The following RASGEF1C variants were observed in gnomAD, a reference collection of about 807,000 sequenced individuals.
RASGEF1C encodes the protein RasGEF domain family member 1C, also known as ras-GEF domain-containing family member 1C.
A neutral mutation model predicts 58.1 loss-of-function variants in RASGEF1C; 27 were observed. That is an observed-to-expected ratio of 0.46 (90% CI 0.34 to 0.64). RASGEF1C has a LOEUF of 0.64. RASGEF1C is among the 30% of genes least tolerant of loss of function. The pLI is 0.01. For synonymous variants in RASGEF1C, 243 were observed against 246.3 expected (o/e 0.99, Z 0.13); for missense variants, 502 against 605.1 (o/e 0.83, Z 1.79).
chr5:180,112,123 T>C (rs1013489867), intron 11 of RASGEF1C, among the ~76,000 whole-genome samples: 1 of 152,138 alleles, frequency 6.6e-6, no homozygotes, highest in African/African-American at 2.4e-5. Flanking sequence ...GCCTCAGCTC[T>C]GAGGATCAAT....
intron 1 of RASGEF1C, among the ~76,000 whole-genome samples, chr5:180,200,052 G>A (rs891627651): frequency 3.3e-5 from 5 of 152,004 alleles, no homozygotes; most frequent in African/African-American, 9.7e-5. Context: ...ACAAGGTAAG[G>A]AGTTCAAGAC....
At chr5:180,103,223 A>C (rs572018369) in intron 12 of RASGEF1C, among the ~76,000 whole-genome samples, 1 of 152,062 alleles carries the variant, frequency 6.6e-6, no homozygotes, top group Non-Finnish European at 1.5e-5. Flanking sequence ...GACTACAGGT[A>C]CCCACCACCA....
At chr5:180,166,962 AT>A (rs1767032763) in intron 1 of RASGEF1C, among the ~76,000 whole-genome samples, 1 of 151,836 alleles carries the variant, frequency 6.6e-6, no homozygotes, top group Admixed American at 6.6e-5. Context: ...GTAAAATATC[AT>A]TTTTCTCTGG....
At chr5:180,195,388 C>T (rs1394773115) in intron 1 of RASGEF1C, among the ~76,000 whole-genome samples, 1 of 152,182 alleles carries the variant, frequency 6.6e-6, no homozygotes, top group Non-Finnish European at 1.5e-5. Flanking sequence ...CACGGGAACT[C>T]CTTACAACAT....
Position 180,204,616 on chromosome 5 carries a change from CTCTATCTATCTATCTA to C in RASGEF1C, c.-7+4396_-7+4411del, listed in dbSNP as rs56101660. ...ATAAAATAGGAGTCAATGGATATTC[CTCTATCTATCTATCTA>C]TCTATCTATCTATCTATCTATCTAT... On this transcript the variant is annotated intron_variant, in intron 1 of 13. Coordinates refer to ENST00000361132, the MANE Select transcript of RASGEF1C (RefSeq NM_175062.4). Among the ~76,000 whole-genome samples, 353 of 149,222 alleles carry C rather than the reference CTCTATCTATCTATCTA, an allele frequency of 2.4e-3. 4 individuals carry two copies. Among genetic ancestry groups the C allele is most frequent in the African/African-American group, 8.0e-3 (324 of 40,384 alleles).
chr5:180,129,150 C>A (rs1766319430), intron 4 of RASGEF1C, among the ~76,000 whole-genome samples: 1 of 152,136 alleles, frequency 6.6e-6, no homozygotes, highest in Non-Finnish European at 1.5e-5. Context: ...CTGTGCCCCC[C>A]AGGGCTGGCA....
rs1187828546 is a variant in RASGEF1C, at chr5:180,198,930, G to A, written c.-7+10098C>T. ...CCAGGCCTTGAGGCTGGAGGAGTGAGGAAGTAGGAGAAAGCCCCCAGGAAG... is the reference window on the plus strand; with the variant it reads ...CCAGGCCTTGAGGCTGGAGGAGTGAAGAAGTAGGAGAAAGCCCCCAGGAAG... On this transcript the variant is annotated intron_variant, in intron 1 of 13. Transcript: ENST00000361132. This position sits in a 1 kb window ranked among gnomAD's most constrained non-coding sequence, Gnocchi z 4.5. Among the ~76,000 whole-genome samples, 2 of 152,038 alleles carry A rather than the reference G, an allele frequency of 1.3e-5. No individual in the cohort carries two copies. The highest frequency in any genetic ancestry group is 4.8e-5 in the African/African-American group (2 of 41,380).
chr5:180,182,406 C>CT (rs1287365193), intron 1 of RASGEF1C, among the ~76,000 whole-genome samples: 1 of 151,924 alleles, frequency 6.6e-6, no homozygotes, highest in African/African-American at 2.4e-5. Context: ...AGTGAGCAGC[C>CT]GCAAGATTTA....
At position 180,137,410 on chromosome 5, in the gene RASGEF1C, G is replaced by C. The variant is rs954593817; in HGVS notation, c.300+180C>G. On this transcript the variant is annotated intron_variant, in intron 3 of 13. Coordinates refer to ENST00000361132, the MANE Select transcript of RASGEF1C (RefSeq NM_175062.4). The surrounding 1 kb of genome is among the most constrained non-coding windows in gnomAD (Gnocchi z 4.1). ...GTCGGGCACTGGAAAACTACATGGA[G>C]GTTAAAGGTCCTGTTCTGCTCCTTC... 1.3e-5 allele frequency among the ~76,000 whole-genome samples: 2 copies of C among 152,186 alleles called. No homozygotes were observed. The highest frequency in any genetic ancestry group is 1.3e-4 in the Admixed American group (2 of 15,292).
intron 1 of RASGEF1C, among the ~76,000 whole-genome samples, chr5:180,199,315 G>A (rs1756337569): frequency 1.3e-5 from 2 of 152,176 alleles, no homozygotes; most frequent in African/African-American, 2.4e-5. Context: ...TGGAAGTCCC[G>A]CTGTAGATTA....
chr5:180,188,128 C>A (rs770930665), intron 1 of RASGEF1C, among the ~76,000 whole-genome samples: 5 of 152,148 alleles, frequency 3.3e-5, no homozygotes, highest in Non-Finnish European at 7.3e-5. Flanking sequence ...TACAGACATA[C>A]AATGGAATAT....
Position 180,198,509 on chromosome 5 carries a change from C to T in RASGEF1C, c.-7+10519G>A, listed in dbSNP as rs142680770. On this transcript the variant is annotated intron_variant, in intron 1 of 13. Coordinates refer to ENST00000361132, the MANE Select transcript of RASGEF1C (RefSeq NM_175062.4). The surrounding 1 kb of genome is among the most constrained non-coding windows in gnomAD (Gnocchi z 4.5). Reference sequence around the variant, plus strand: ...AATGTATGCCTCACAGTTCTAGAGGCAGAGAAGTCCAAGATCAAGTTGCTC... The same window carrying T: ...AATGTATGCCTCACAGTTCTAGAGGTAGAGAAGTCCAAGATCAAGTTGCTC... Among the ~76,000 whole-genome samples, 1 of 152,304 alleles carries T rather than the reference C, an allele frequency of 6.6e-6. No homozygotes were observed. The highest frequency in any genetic ancestry group is 1.5e-5 in the Non-Finnish European group (1 of 68,028).
chr5:180,206,818 G>A (rs1756497530), intron 1 of RASGEF1C, among the ~76,000 whole-genome samples: 1 of 152,196 alleles, frequency 6.6e-6, no homozygotes, highest in African/African-American at 2.4e-5. Context: ...ACTTCTAACT[G>A]AAGAAAAACC....
intron 1 of RASGEF1C, among the ~76,000 whole-genome samples, chr5:180,145,858 A>G (rs1421038241): frequency 6.6e-6 from 1 of 152,164 alleles, no homozygotes; most frequent in Non-Finnish European, 1.5e-5. Flanking sequence ...GCTAGCCCCA[A>G]GAGTCCTCTT....
intron 4 of RASGEF1C, among the ~76,000 whole-genome samples, chr5:180,133,766 T>C (rs1423342574): frequency 2.6e-5 from 4 of 152,222 alleles, no homozygotes; most frequent in Non-Finnish European, 5.9e-5. Context: ...GAGTGCATGG[T>C]AACCATTCTT....
Position 180,173,697 on chromosome 5 carries a change from A to G in RASGEF1C, c.-7+35331T>C, listed in dbSNP as rs377215432. 2.4e-3 allele frequency among the ~76,000 whole-genome samples: 358 copies of G among 152,182 alleles called. 1 individual carries two copies. In the East Asian group the frequency reaches 0.029, roughly 12 times the overall value. The stretch of plus-strand genomic sequence containing the variant: ...TGGGAGGCCAAGGTGGGCAGATCAC[A>G]AGGTCAGGAGTTTGAGACCAGCCTG... On this transcript the variant is annotated intron_variant, in intron 1 of 13. Transcript: ENST00000361132.
chr5:180,101,504 T>A lies in RASGEF1C; in HGVS notation c.1398A>T (p.Thr466=). 1 of 1,611,992 alleles carries A rather than the reference T, an allele frequency of 6.2e-7. No homozygotes were observed. The highest frequency in any genetic ancestry group is 8.5e-7 in the Non-Finnish European group (1 of 1,179,942). The change falls in exon 14 of 14, where the codon ACA becomes ACT. Residue 466 remains threonine, a synonymous_variant. Coordinates refer to ENST00000361132, the MANE Select transcript of RASGEF1C (RefSeq NM_175062.4). ...CTCGTCCCTCAGCTCAGCGCTTTCA[T>A]GTCTTCCCCAAAATAGAAGATCTGC... is the stretch of plus-strand genomic sequence containing the variant. ...KALRSSILGK[T]
intron 1 of RASGEF1C, among the ~76,000 whole-genome samples, chr5:180,172,249 C>CCCA (rs1456225334): frequency 6.6e-6 from 1 of 152,120 alleles, no homozygotes; most frequent in East Asian, 1.9e-4. Context: ...CACTCAGGGC[C>CCCA]CCAGCATGCC....
chr5:180,114,680 C>T lies in RASGEF1C; in HGVS notation c.1084-139G>A, dbSNP rs866637646. 49 of 684,492 alleles carry T rather than the reference C, an allele frequency of 7.2e-5. No individual in the cohort carries two copies. The Middle Eastern group carries it at 3.0e-3, about 42-fold the overall frequency. The allele number at this position is 684,492 out of a possible 1,614,324, so 42.4% of individuals were successfully genotyped here. ...AGGGTGCAGAGGGCAGGGGAGACTTCCTGGGCTAGCCGGGGCCTTGGGACT... is the reference window on the plus strand; with the variant it reads ...AGGGTGCAGAGGGCAGGGGAGACTTTCTGGGCTAGCCGGGGCCTTGGGACT... On this transcript the variant is annotated intron_variant, in intron 10 of 13. Coordinates refer to ENST00000361132, the MANE Select transcript of RASGEF1C (RefSeq NM_175062.4).
Sources: gnomAD v4.1 joint callset for allele counts (sites outside exome capture counted in the v4.1 genomes callset) on GRCh38, gnomAD v4.1.1 for gene constraint, Gnocchi (gnomAD v3.1) non-coding constraint, MANE v1.5 for transcripts, NCBI Gene and HGNC (gene_info 2026-07-23, HGNC 2026-07-21) for gene names.